NELL2: variants seen among roughly 807,000 people sequenced by gnomAD.
NELL2 encodes protein kinase C-binding protein NELL2.
In NELL2, 41 loss-of-function variants were observed where a neutral mutation model predicts 109.6. The ratio of observed to expected loss-of-function variants is 0.37; its 90% CI spans 0.29 to 0.49. NELL2 has a LOEUF of 0.49. Ranked by LOEUF, NELL2 falls within the 20% of genes least tolerant of loss-of-function variation. The pLI, the probability that NELL2 is intolerant of heterozygous loss-of-function variation, is 0.98. For missense variants in NELL2, 900 were observed against 1,008.3 expected (o/e 0.89, Z 1.45); for synonymous variants, 355 against 344.7 (o/e 1.03, Z -0.33).
chr12:44,792,548 A>G (rs1762739854), intron 3 of NELL2, among the ~76,000 whole-genome samples: 1 of 152,194 alleles, frequency 6.6e-6, no homozygotes, highest in African/African-American at 2.4e-5. Flanking sequence ...GACACCATAA[A>G]TAAACAACCA....
chr12:44,842,842 A>G (rs892668857), intron 2 of NELL2, among the ~76,000 whole-genome samples: 4 of 152,044 alleles, frequency 2.6e-5, no homozygotes, highest in Non-Finnish European at 4.4e-5. Context: ...CAGAGGGAAG[A>G]GGCCCACGTG....
Position 44,567,912 on chromosome 12 carries a change from A to G in NELL2, c.1664-35191T>C, listed in dbSNP as rs182468111. Among the ~76,000 whole-genome samples the G allele has an allele frequency of 4.6e-5, 7 of 152,258 alleles. No homozygotes were observed. The East Asian group carries it at 1.4e-3, about 29-fold the overall frequency. ...AAGGAAAGTGGGGAATGTTGGTAAA[A>G]TATATTTATATTTGGGAATTTTTAA... On this transcript the variant is annotated intron_variant, in intron 15 of 19. Coordinates refer to ENST00000429094, the MANE Select transcript of NELL2 (RefSeq NM_001145108.2).
chr12:44,570,942 T>A (rs943545073), intron 15 of NELL2, among the ~76,000 whole-genome samples: 1 of 152,186 alleles, frequency 6.6e-6, no homozygotes, highest in Non-Finnish European at 1.5e-5. Context: ...ACAGCTAATA[T>A]TTCAAGACGG....
intron 13 of NELL2, among the ~76,000 whole-genome samples, chr12:44,628,858 C>G (rs139191001): frequency 3.3e-5 from 5 of 152,254 alleles, no homozygotes; most frequent in African/African-American, 1.2e-4. Flanking sequence ...ACCTTTCAGA[C>G]TAAAGGACTA....
chr12:44,725,790 A>G (rs1939044422), intron 9 of NELL2, among the ~76,000 whole-genome samples: 1 of 152,164 alleles, frequency 6.6e-6, no homozygotes, highest in Non-Finnish European at 1.5e-5. Context: ...ATAAGTGGGA[A>G]CTAAACGATA....
At chr12:44,745,189 C>A (rs1940260880) in intron 9 of NELL2, among the ~76,000 whole-genome samples, 1 of 152,036 alleles carries the variant, frequency 6.6e-6, no homozygotes, top group Non-Finnish European at 1.5e-5. Flanking sequence ...ATAAACGGAA[C>A]CAAAGACAAA....
At chr12:44,882,445 A>G (rs1945423903) in intron 1 of NELL2, among the ~76,000 whole-genome samples, 1 of 150,822 alleles carries the variant, frequency 6.6e-6, no homozygotes, top group African/African-American at 2.5e-5. Context: ...ACGTGTATAT[A>G]TGTATTTTCA....
At position 44,861,691 on chromosome 12, in the gene NELL2, C is replaced by T. The variant is rs75889884; in HGVS notation, c.184+13534G>A. ...GATGCCCATTCCATCACCAGGGCAG[C>T]GACCATGGACTATGGCTCCAGGCTA... On this transcript the variant is annotated intron_variant, in intron 2 of 19. Coordinates refer to ENST00000429094, the MANE Select transcript of NELL2 (RefSeq NM_001145108.2). Among the ~76,000 whole-genome samples the T allele has an allele frequency of 5.8e-3, 889 of 152,188 alleles. 36 individuals are homozygous for T. In the East Asian group the frequency reaches 0.12, roughly 21 times the overall value.
chr12:44,512,624 T>C (rs1330620096), intron 19 of NELL2, among the ~76,000 whole-genome samples: 1 of 152,072 alleles, frequency 6.6e-6, no homozygotes, highest in Non-Finnish European at 1.5e-5. Flanking sequence ...ATATCCACAA[T>C]GGAATACCAT....
At chr12:44,785,060 T>C (rs1309030646) in intron 3 of NELL2, among the ~76,000 whole-genome samples, 1 of 152,110 alleles carries the variant, frequency 6.6e-6, no homozygotes, top group African/African-American at 2.4e-5. Flanking sequence ...AGAAATAAAG[T>C]GTATTCAAAT....
intron 15 of NELL2, among the ~76,000 whole-genome samples, chr12:44,587,108 T>C (rs1040956122): frequency 3.3e-5 from 5 of 150,894 alleles, no homozygotes; most frequent in Non-Finnish European, 7.4e-5. Flanking sequence ...CCATCTCTAC[T>C]AAAAATACAA....
At chr12:44,727,893 T>G (rs1939164716) in intron 9 of NELL2, among the ~76,000 whole-genome samples, 1 of 152,050 alleles carries the variant, frequency 6.6e-6, no homozygotes. Context: ...GCCTCTGGAA[T>G]TAACTAAGAA....
At chr12:44,666,887 C>G (rs1157885334) in intron 12 of NELL2, among the ~76,000 whole-genome samples, 2 of 152,194 alleles carry the variant, frequency 1.3e-5, no homozygotes, top group Admixed American at 1.3e-4. Context: ...CCTACCTGCT[C>G]TTTCTTACCT....
chr12:44,564,130 T>C (rs1004119486), intron 15 of NELL2, among the ~76,000 whole-genome samples: 5 of 152,212 alleles, frequency 3.3e-5, no homozygotes, highest in African/African-American at 1.2e-4. Flanking sequence ...TGAAAGGATA[T>C]GACAGTTGAC....
At chr12:44,900,727 T>C (rs1320618488) in intron 1 of NELL2, among the ~76,000 whole-genome samples, 2 of 151,900 alleles carry the variant, frequency 1.3e-5, no homozygotes, top group Non-Finnish European at 2.9e-5. Context: ...AGAAAACAAA[T>C]TAAAAAGCTA....
intron 9 of NELL2, among the ~76,000 whole-genome samples, chr12:44,770,386 G>A (rs554647545): frequency 1.3e-5 from 2 of 152,200 alleles, no homozygotes; most frequent in Admixed American, 6.5e-5. Flanking sequence ...GTCCATGAGA[G>A]GTTAAGCAAT....
chr12:44,543,831 T>C (rs1294543059), intron 15 of NELL2, among the ~76,000 whole-genome samples: 1 of 152,170 alleles, frequency 6.6e-6, no homozygotes, highest in Non-Finnish European at 1.5e-5. Context: ...CTCGAGGATC[T>C]TCACTTTCCC....
At chr12:44,598,974 T>C (rs1945086756) in intron 15 of NELL2, among the ~76,000 whole-genome samples, 1 of 152,120 alleles carries the variant, frequency 6.6e-6, no homozygotes, top group Non-Finnish European at 1.5e-5. Flanking sequence ...TATTTCTACC[T>C]ATGCTTGAGT....
intron 2 of NELL2, among the ~76,000 whole-genome samples, chr12:44,827,014 C>T (rs1943731518): frequency 6.6e-6 from 1 of 152,144 alleles, no homozygotes; most frequent in South Asian, 2.1e-4. Flanking sequence ...GATACTGCAA[C>T]ATAAACTATA....
Sources: gnomAD v4.1 joint callset for allele counts (sites outside exome capture counted in the v4.1 genomes callset) on GRCh38, gnomAD v4.1.1 for gene constraint, MANE v1.5 for transcripts, NCBI Gene and HGNC (gene_info 2026-07-23, HGNC 2026-07-21) for gene names.